Variants in ANKRD33B observed in about 807,000 individuals in gnomAD.
The protein encoded by ANKRD33B is ankyrin repeat domain 33B, also known as ankyrin repeat domain-containing protein 33B.
In ANKRD33B, 6 loss-of-function variants were observed where a neutral mutation model predicts 21.5. The observed-to-expected ratio is 0.28, with a 90% confidence interval of 0.15 to 0.55. The LOEUF (loss-of-function observed/expected upper bound fraction) is 0.55. ANKRD33B is among the 20% of genes least tolerant of loss of function. The pLI, the probability that ANKRD33B is intolerant of heterozygous loss-of-function variation, is 0.94. For synonymous variants in ANKRD33B, 347 were observed against 342.4 expected (o/e 1.01, Z -0.15); for missense variants, 698 against 747.2 (o/e 0.93, Z 0.77).
At chr5:10,618,546 T>G (rs1428560899) in intron 2 of ANKRD33B, 84 bp downstream of exon 2, 2 of 1,441,238 alleles carry the variant, frequency 1.4e-6, no homozygotes, top group Admixed American at 2.5e-5. Flanking sequence ...TGCGATGCAG[T>G]CAGGATGGAA....
chr5:10,565,748 A>G lies in ANKRD33B; in HGVS notation c.366+915A>G, dbSNP rs549495100. Among the ~76,000 whole-genome samples, 255 of 152,378 alleles carry G rather than the reference A, an allele frequency of 1.7e-3. 2 individuals are homozygous for G. The highest frequency in any genetic ancestry group is 5.6e-3 in the African/African-American group (234 of 41,594). Reference sequence around the variant, plus strand: ...TTCAAGGGAAAACTGCAGAGTGACCACGGTGGCCAAGTTCCCCGTAGTCTG... The same window carrying G: ...TTCAAGGGAAAACTGCAGAGTGACCGCGGTGGCCAAGTTCCCCGTAGTCTG... On this transcript the variant is annotated intron_variant, in intron 1 of 3. Coordinates refer to ENST00000296657, the MANE Select transcript of ANKRD33B (RefSeq NM_001164440.2).
In ANKRD33B at chr5:10,650,156, C is replaced by T; in HGVS notation, c.*43C>T. ...GCTGGGGCCGGGGCTGGGGCCGGGG[C>T]GGGGCCGCAGGGCTGGGCGCGGAGA... On this transcript the variant is annotated 3_prime_UTR_variant, in exon 4 of 4. Coordinates refer to ENST00000296657, the MANE Select transcript of ANKRD33B (RefSeq NM_001164440.2). 2 of 1,409,822 alleles carry T rather than the reference C, an allele frequency of 1.4e-6. 1 individual carries two copies. The highest frequency in any genetic ancestry group is 2.9e-5 in the South Asian group (2 of 68,832). The allele number at this position is 1,409,822 out of a possible 1,614,324, so 87.3% of individuals were successfully genotyped here.
intron 1 of ANKRD33B, among the ~76,000 whole-genome samples, chr5:10,617,335 C>T (rs1244472246): frequency 1.3e-5 from 2 of 152,234 alleles, no homozygotes; most frequent in African/African-American, 4.8e-5. Context: ...TGCGTGCCAT[C>T]TGTCCCCACG....
At chr5:10,646,920 C>T (rs905608464) in intron 3 of ANKRD33B, among the ~76,000 whole-genome samples, 4 of 152,202 alleles carry the variant, frequency 2.6e-5, no homozygotes, top group African/African-American at 7.2e-5. Flanking sequence ...GCTGGGGACC[C>T]GACCTTCCTC....
At chr5:10,592,671 A>T (rs1261909315) in intron 1 of ANKRD33B, among the ~76,000 whole-genome samples, 1 of 151,636 alleles carries the variant, frequency 6.6e-6, no homozygotes, top group African/African-American at 2.4e-5. Flanking sequence ...AGAATCCTGC[A>T]GATGAGCTTG....
chr5:10,634,895 T>A (rs1736818903), intron 2 of ANKRD33B, among the ~76,000 whole-genome samples: 1 of 151,076 alleles, frequency 6.6e-6, no homozygotes, highest in South Asian at 2.1e-4. Context: ...TACTTATACA[T>A]TCTTAGAAGT....
At position 10,649,715 on chromosome 5, in the gene ANKRD33B, G is replaced by C. The variant is rs1306389006; in HGVS notation, c.1087G>C (p.Gly363Arg). The C allele has an allele frequency of 6.6e-7, 1 of 1,508,914 alleles. No homozygotes were observed. Among genetic ancestry groups the C allele is most frequent in the East Asian group, 2.5e-5 (1 of 40,156 alleles). The allele number at this position is 1,508,914 out of a possible 1,614,324, so 93.5% of individuals were successfully genotyped here. A position where few individuals can be genotyped will look rare whatever the true frequency, so the allele number is the denominator to read the frequency against. ...GPQAQEEDEV[G>R]GAGQRGRTGQ... ...CCAGGCGCAGGAGGAGGATGAGGTG[G>C]GGGGCGCGGGGCAGCGCGGGCGGAC... Residue 363 changes from glycine (G) to arginine (R), a missense_variant, in exon 4 of 4, where the codon GGG (glycine) becomes CGG (arginine). Gly to Arg is a moderately radical substitution (Grantham distance 125, BLOSUM62 -2). Around this residue, in one of 3 missense-constraint regions of ANKRD33B, gnomAD observed 543 missense variants for 566.5 expected, o/e 0.96. Transcript: ENST00000296657.
At chr5:10,585,035 C>G (rs1735524923) in intron 1 of ANKRD33B, among the ~76,000 whole-genome samples, 1 of 152,164 alleles carries the variant, frequency 6.6e-6, no homozygotes, top group Non-Finnish European at 1.5e-5. Context: ...GGGACTACAG[C>G]AGAGCACCAT....
At chr5:10,645,088 TGGTGGG>T (rs1455854633) in intron 3 of ANKRD33B, among the ~76,000 whole-genome samples, 1 of 152,196 alleles carries the variant, frequency 6.6e-6, no homozygotes, top group Non-Finnish European at 1.5e-5. Context: ...ACCTGCTATG[TGGTGGG>T]GGTGGCTTGT....
chr5:10,595,127 C>T (rs756110244), intron 1 of ANKRD33B, among the ~76,000 whole-genome samples: 2 of 152,048 alleles, frequency 1.3e-5, no homozygotes, highest in Admixed American at 6.5e-5. Context: ...AGGGGAGTCA[C>T]GCCAGAGGGA....
rs2279325 is a variant in ANKRD33B, at chr5:10,657,082, G to A, written c.*6969G>A. The A allele has an allele frequency of 0.33, 50,833 of 152,154 alleles. 8,557 individuals are homozygous for A. The highest frequency in any genetic ancestry group is 0.41 in the African/African-American group (16,839 of 41,440). The allele number at this position is 152,154 out of a possible 1,614,324, so 9.4% of individuals were successfully genotyped here. ...TAGGTATGGAGGCACCTTAACACCA[G>A]TTTTTGAGCAGAAGTTCTAGAAGCT... On this transcript the variant is annotated 3_prime_UTR_variant, in exon 4 of 4. Coordinates refer to ENST00000296657, the MANE Select transcript of ANKRD33B (RefSeq NM_001164440.2).
At chr5:10,613,089 T>TA (rs1421827878) in intron 1 of ANKRD33B, among the ~76,000 whole-genome samples, 3 of 152,194 alleles carry the variant, frequency 2.0e-5, no homozygotes, top group African/African-American at 7.2e-5. Flanking sequence ...TGTGGTACCA[T>TA]AGGCCCCACG....
chr5:10,637,944 C>G, intron 2 of ANKRD33B, 84 bp from the exon 3 acceptor site: 1 of 1,460,554 alleles, frequency 6.8e-7, no homozygotes, highest in Non-Finnish European at 9.1e-7. Flanking sequence ...CTCAGTGTTT[C>G]TTTCTCTCTC....
At chr5:10,590,755 G>A (rs578162262) in intron 1 of ANKRD33B, among the ~76,000 whole-genome samples, 1 of 152,134 alleles carries the variant, frequency 6.6e-6, no homozygotes, top group South Asian at 2.1e-4. Context: ...GACCAACTCT[G>A]CTTAGCTCCT....
At chr5:10,623,267 C>A (rs187321580) in intron 2 of ANKRD33B, among the ~76,000 whole-genome samples, 3 of 152,128 alleles carry the variant, frequency 2.0e-5, no homozygotes, top group African/African-American at 7.2e-5. Context: ...GGGGCATTGC[C>A]GGAATTTTGC....
chr5:10,590,589 TGCGCGCGCGC>T (rs34685376), intron 1 of ANKRD33B, among the ~76,000 whole-genome samples: 3 of 150,316 alleles, frequency 2.0e-5, no homozygotes, highest in African/African-American at 7.3e-5. Flanking sequence ...TATTTTGAGA[TGCGCGCGCGC>T]GCGCGCGCGT....
intron 1 of ANKRD33B, among the ~76,000 whole-genome samples, chr5:10,569,898 A>G (rs1735139612): frequency 6.6e-6 from 1 of 151,996 alleles, no homozygotes; most frequent in African/African-American, 2.4e-5. Context: ...TTGTTTAGAG[A>G]TGGAGTCTCG....
At chr5:10,634,269 G>A (rs950450950) in intron 2 of ANKRD33B, among the ~76,000 whole-genome samples, 3 of 152,120 alleles carry the variant, frequency 2.0e-5, no homozygotes, top group Non-Finnish European at 2.9e-5. Flanking sequence ...CCAGTGACGC[G>A]ATTTCATTCA....
chr5:10,626,263 G>A (rs1297345894), intron 2 of ANKRD33B, among the ~76,000 whole-genome samples: 1 of 152,216 alleles, frequency 6.6e-6, no homozygotes, highest in African/African-American at 2.4e-5. Flanking sequence ...AAGAGGAGAA[G>A]CAATGTGCAG....
Sources: allele counts gnomAD v4.1 joint callset (sites outside exome capture counted in the v4.1 genomes callset), GRCh38; gene constraint gnomAD v4.1.1; regional missense constraint gnomAD v4.1.1; transcripts MANE v1.5; gene names NCBI Gene and HGNC (gene_info 2026-07-23, HGNC 2026-07-21).